Variants in IL24 observed in about 807,000 individuals in gnomAD.
The protein encoded by IL24 is interleukin 24.
IL24 carries 24 observed loss-of-function variants against 27.6 expected under a neutral mutation model. The observed-to-expected ratio is 0.87, with a 90% CI of 0.63 to 1.22. The LOEUF (loss-of-function observed/expected upper bound fraction) is 1.22, where lower values mean the gene tolerates loss of function less well. IL24 is among the 50% of genes most tolerant of loss of function. The pLI, the probability that IL24 is intolerant of heterozygous loss-of-function variation, is 0.00. For synonymous variants in IL24, 99 were observed against 93.1 expected (o/e 1.06, Z -0.36); for missense variants, 240 against 237.0 (o/e 1.01, Z -0.08).
chr1:206,902,087 T>C lies in IL24; in HGVS notation c.537+15T>C. On this transcript the variant is annotated intron_variant, in intron 6 of 6. Coordinates refer to ENST00000294984, the MANE Select transcript of IL24 (RefSeq NM_006850.3). ...CATTCAAACAGGTAAGGCCAAGAGC[T>C]GAGAGCTTGCCCATCCAGCAGAATA... 1 of 1,613,942 alleles carries C rather than the reference T, an allele frequency of 6.2e-7. No individual in the cohort carries two copies. The highest frequency in any genetic ancestry group is 8.5e-7 in the Non-Finnish European group (1 of 1,179,996).
chr1:206,900,264 C>T (rs773910722), intron 3 of IL24, 31 bp from the exon 4 acceptor site: 3 of 1,609,656 alleles, frequency 1.9e-6, no homozygotes, highest in African/African-American at 2.7e-5. Context: ...GACCCCTAAC[C>T]TGGAGACGTC....
chr1:206,897,998 C>CA (rs3093418), intron 2 of IL24, 122 bp downstream of exon 2: 13,063 of 533,272 alleles, frequency 0.024, 1,094 homozygotes, highest in African/African-American at 0.21. Context: ...ACTAAAAATA[C>CA]AAAAAAAAAT....
chr1:206,897,850 G>A lies in IL24; in HGVS notation c.18G>A (p.Arg6=). The A allele has an allele frequency of 6.2e-7, 1 of 1,609,722 alleles. No homozygotes were observed. Among genetic ancestry groups the A allele is most frequent in the East Asian group, 2.2e-5 (1 of 44,842 alleles). ...ACTGAGAGATGAATTTTCAACAGAG[G>A]CTGCAAAGCCTGTGGACTTTAGCCA... MNFQQ[R]LQSLWTLARP... is the part of the protein sequence containing the mutation. Residue 6 remains arginine (R), a synonymous_variant, in exon 2 of 7, where the codon AGG becomes AGA. Transcript: ENST00000294984.
At chr1:206,901,431 GTT>G in intron 4 of IL24, 61 bp from the exon 5 acceptor site, 1 of 1,537,914 alleles carries the variant, frequency 6.5e-7, no homozygotes, top group Non-Finnish European at 8.7e-7. Flanking sequence ...CATGTGGGTT[GTT>G]CCTTCAGGGG....
chr1:206,902,418 C>T (rs1045013265), intron 6 of IL24: 1 of 348,546 alleles, frequency 2.9e-6, no homozygotes, highest in Non-Finnish European at 3.8e-6. Flanking sequence ...CCACCCCATA[C>T]ACATCTGCAG....
rs1340739923 is a variant in IL24, at chr1:206,903,880, C to A, written c.*821C>A. 6.6e-6 allele frequency: 1 copy of A among 152,378 alleles called. No individual in the cohort carries two copies. Among genetic ancestry groups the A allele is most frequent in the Non-Finnish European group, 1.5e-5 (1 of 68,050 alleles). 9.4% of individuals were successfully genotyped at this position (152,378 alleles called of 1,614,324 possible). The stretch of plus-strand genomic sequence containing the variant: ...ACATAACTCAAGTCTGGCAGACTTT[C>A]TTCTCTATTTCTGGATGAATGCCCA... On this transcript the variant is annotated 3_prime_UTR_variant, in exon 7 of 7. Transcript: ENST00000294984.
rs1420518536 is a variant in IL24, at chr1:206,901,606, C to T, written c.416C>T (p.Thr139Ile). 1.2e-6 allele frequency: 2 copies of T among 1,614,226 alleles called. No homozygotes were observed. The highest frequency in any genetic ancestry group is 1.7e-5 in the Admixed American group (1 of 60,036). ...GTCAGGACTCTGAAGTCATTCTCTA[C>T]TCTGGCCAACAACTTTGTTCTCATC... Reference protein sequence around the residue: ...VEVRTLKSFSTLANNFVLIVS... With the variant: ...VEVRTLKSFSILANNFVLIVS... Residue 139 changes from threonine to isoleucine, a missense_variant, in exon 5 of 7, where the codon ACT becomes ATT. Transcript: ENST00000294984.
chr1:206,899,252 T>C, intron 2 of IL24, 68 bp from the exon 3 acceptor site: 2 of 1,520,046 alleles, frequency 1.3e-6, no homozygotes, highest in Non-Finnish European at 1.8e-6. Context: ...CCTCGGAGCA[T>C]TTTCCCAGGG....
chr1:206,902,987 A>G lies in IL24; in HGVS notation c.549A>G (p.Glu183=). ...TCTTTTCCCTTTAGTTGGACGTAGA[A>G]GCAGCTCTGACCAAAGCCCTTGGGG... ...FRRAFKQLDV[E]AALTKALGEV... is the part of the protein sequence containing the mutation. Residue 183 remains glutamate (E), a synonymous_variant, in exon 7 of 7, where the codon GAA becomes GAG. Coordinates refer to ENST00000294984, the MANE Select transcript of IL24 (RefSeq NM_006850.3). The G allele has an allele frequency of 1.2e-6, 2 of 1,614,186 alleles. No individual in the cohort carries two copies. The highest frequency in any genetic ancestry group is 1.1e-5 in the South Asian group (1 of 91,082).
At chr1:206,902,376 GGAGA>G in intron 6 of IL24, 1 of 985,202 alleles carries the variant, frequency 1.0e-6, no homozygotes, top group Non-Finnish European at 1.2e-6. Flanking sequence ...CAGAAGAGAG[GGAGA>G]AAGAAGGGAG....
At chr1:206,902,319 G>T in intron 6 of IL24, 1 of 985,396 alleles carries the variant, frequency 1.0e-6, no homozygotes, top group South Asian at 4.7e-5. Context: ...TTTTACGAAA[G>T]GAACTTTCCC....
rs1469946691 is a variant in IL24, at chr1:206,903,794, G to C, written c.*735G>C. ...GAGTGTCAAGCTGACCTTGCTGATG[G>C]TGACATTGCACCTGGATGTACTATC... On this transcript the variant is annotated 3_prime_UTR_variant, in exon 7 of 7. Coordinates refer to ENST00000294984, the MANE Select transcript of IL24 (RefSeq NM_006850.3). 6.6e-6 allele frequency: 1 copy of C among 151,966 alleles called. No individual in the cohort carries two copies. The highest frequency in any genetic ancestry group is 1.5e-5 in the Non-Finnish European group (1 of 68,024). The allele number at this position is 151,966 out of a possible 1,614,324, so 9.4% of individuals were successfully genotyped here. A position where few individuals can be genotyped will look rare whatever the true frequency, so the allele number is the denominator to read the frequency against.
chr1:206,897,825 A>G lies in IL24; in HGVS notation c.-8A>G. 1.2e-6 allele frequency: 2 copies of G among 1,612,358 alleles called. No individual in the cohort carries two copies. Among genetic ancestry groups the G allele is most frequent in the Non-Finnish European group, 8.5e-7 (1 of 1,179,474 alleles). ...GGAGGAAGGCCAGGAGGAACACGAG[A>G]CTGAGAGATGAATTTTCAACAGAGG... On this transcript the variant is annotated 5_prime_UTR_variant, in exon 2 of 7. Coordinates refer to ENST00000294984, the MANE Select transcript of IL24 (RefSeq NM_006850.3).
At chr1:206,902,833 G>A in intron 6 of IL24, 143 bp from the exon 7 acceptor site, 1 of 1,544,312 alleles carries the variant, frequency 6.5e-7, no homozygotes, top group Non-Finnish European at 8.7e-7. Context: ...AAAAGTGACA[G>A]GCAGGTGGGT....
chr1:206,902,378 A>C, intron 6 of IL24: 1 of 985,264 alleles, frequency 1.0e-6, no homozygotes, highest in Non-Finnish European at 1.2e-6. Context: ...GAAGAGAGGG[A>C]GAAAGAAGGG....
Position 206,903,190 on chromosome 1 carries a change from T to G in IL24, c.*131T>G. On this transcript the variant is annotated 3_prime_UTR_variant, in exon 7 of 7. Coordinates refer to ENST00000294984, the MANE Select transcript of IL24 (RefSeq NM_006850.3). Reference sequence around the variant, plus strand: ...CATGGGTCCCATTCTTGGCCCAGGATTATTGTCAAAGAAGTCATTCTTTAA... The same window carrying G: ...CATGGGTCCCATTCTTGGCCCAGGAGTATTGTCAAAGAAGTCATTCTTTAA... The G allele has an allele frequency of 5.2e-6, 4 of 762,478 alleles. No homozygotes were observed. Among genetic ancestry groups the G allele is most frequent in the Non-Finnish European group, 9.0e-6 (4 of 443,800 alleles). 47.2% of individuals were successfully genotyped at this position (762,478 alleles called of 1,614,324 possible). A position where few individuals can be genotyped will look rare whatever the true frequency, so the allele number is the denominator to read the frequency against.
At chr1:206,900,269 G>C in intron 3 of IL24, 26 bp from the exon 4 acceptor site, 1 of 1,611,980 alleles carries the variant, frequency 6.2e-7, no homozygotes, top group Non-Finnish European at 8.5e-7. Context: ...CTAACCTGGA[G>C]ACGTCTTTTC....
At chr1:206,902,221 G>A in intron 6 of IL24, 149 bp downstream of exon 6, 1 of 1,393,352 alleles carries the variant, frequency 7.2e-7, no homozygotes, top group Non-Finnish European at 9.3e-7. Flanking sequence ...CAGGAGCACA[G>A]TTATATTTGC....
rs777250408 is a variant in IL24 at position 206,901,644 on chromosome 1, C to A, written c.454C>A (p.Gln152Lys). Residue 152 changes from glutamine (Q) to lysine (K), a missense_variant, in exon 5 of 7, where the codon CAA becomes AAA. Gln to Lys is a moderately conservative substitution (Grantham distance 53). Transcript: ENST00000294984. ...CTTTGTTCTCATCGTGTCACAACTG[C>A]AACCCAGTGTGAGTAGCACACGCTC... ...NNFVLIVSQLQPSQENEMFSI... is the reference protein window; with the variant it reads ...NNFVLIVSQLKPSQENEMFSI... 6.2e-7 allele frequency: 1 copy of A among 1,613,112 alleles called. No individual in the cohort carries two copies. Among genetic ancestry groups the A allele is most frequent in the Non-Finnish European group, 8.5e-7 (1 of 1,179,174 alleles).
Sources: allele counts gnomAD v4.1 joint callset, GRCh38; gene constraint gnomAD v4.1.1; transcripts MANE v1.5; gene names NCBI Gene and HGNC (gene_info 2026-07-23, HGNC 2026-07-21).